The following RBFOX1 variants were observed in gnomAD, a reference collection of about 807,000 sequenced individuals.
RBFOX1 encodes RNA binding fox-1 homolog 1, also known as RNA binding protein fox-1 homolog 1.
A neutral mutation model predicts 57.7 loss-of-function variants in RBFOX1; 8 were observed. The ratio of observed to expected loss-of-function variants is 0.14; its 90% CI spans 0.08 to 0.25. The LOEUF (loss-of-function observed/expected upper bound fraction) is 0.25, where lower values mean the gene tolerates loss of function less well. Among genes scored for constraint, RBFOX1 ranks in the 10% least tolerant of loss-of-function variants. The pLI is 1.00. For missense variants in RBFOX1, 611 were observed against 548.5 expected, an observed-to-expected ratio of 1.11 and a Z score of -1.14; for synonymous variants, 326 against 222.4, an observed-to-expected ratio of 1.47 and a Z score of -4.15.
intron 2 of RBFOX1, among the ~76,000 whole-genome samples, chr16:6,579,620 C>G (rs926332893): frequency 6.6e-6 from 1 of 152,148 alleles, no homozygotes; most frequent in Non-Finnish European, 1.5e-5. Context: ...CCTTCCGCCA[C>G]GATTAGAAGT....
At chr16:6,749,349 C>T (rs2074443285) in intron 3 of RBFOX1, among the ~76,000 whole-genome samples, 1 of 152,150 alleles carries the variant, frequency 6.6e-6, no homozygotes, top group African/African-American at 2.4e-5. Context: ...GCGCCTGGTT[C>T]AAAGTAAGTG....
At chr16:5,922,185 C>G (rs1438446010) in intron 4 of RBFOX1, among the ~76,000 whole-genome samples, 1 of 152,016 alleles carries the variant, frequency 6.6e-6, no homozygotes, top group African/African-American at 2.4e-5. Context: ...CCCCCAAACC[C>G]TAGCTCTCTA....
At chr16:7,426,074 A>G (rs571441203) in intron 4 of RBFOX1, among the ~76,000 whole-genome samples, 1 of 152,246 alleles carries the variant, frequency 6.6e-6, no homozygotes, top group Non-Finnish European at 1.5e-5. Context: ...AGAAAGGCTT[A>G]TCTCGTTTAA....
At chr16:5,874,517 A>G (rs1000619252) in intron 4 of RBFOX1, among the ~76,000 whole-genome samples, 8 of 152,112 alleles carry the variant, frequency 5.3e-5, no homozygotes, top group Non-Finnish European at 1.2e-4. Flanking sequence ...TTTTCTTCTA[A>G]GAACACTGAA....
At chr16:6,183,233 C>T (rs1022893786) in intron 1 of RBFOX1, among the ~76,000 whole-genome samples, 2 of 152,006 alleles carry the variant, frequency 1.3e-5, no homozygotes, top group African/African-American at 4.8e-5. Context: ...GTAATCCCAG[C>T]ACTTTGGGAG....
At position 5,847,881 on chromosome 16, in the gene RBFOX1, G is replaced by A. The variant is rs2056797360; in HGVS notation, c.319-19422G>A. Among the ~76,000 whole-genome samples the A allele has an allele frequency of 2.0e-5, 3 of 151,584 alleles. No individual in the cohort carries two copies. In the South Asian group the frequency reaches 6.3e-4, roughly 32 times the overall value. On this transcript the variant is annotated intron_variant, in intron 3 of 19. Transcript: ENST00000641259. ...CCAGACTATGTTAGTCATTAGCATTGCCAACAGATTGTCTGTAATTGTCCA... is the reference window on the plus strand; with the variant it reads ...CCAGACTATGTTAGTCATTAGCATTACCAACAGATTGTCTGTAATTGTCCA...
At chr16:7,270,475 G>A (rs948910604) in intron 4 of RBFOX1, among the ~76,000 whole-genome samples, 19 of 152,282 alleles carry the variant, frequency 1.2e-4, no homozygotes, top group East Asian at 1.2e-3. Flanking sequence ...GAAGTTTAAC[G>A]CATGTAAGAA....
intron 4 of RBFOX1, among the ~76,000 whole-genome samples, chr16:5,983,889 C>G (rs1455501149): frequency 1.4e-5 from 2 of 147,372 alleles, no homozygotes; most frequent in Non-Finnish European, 3.0e-5. Flanking sequence ...CTTCCCTACC[C>G]CTCCTCGTTC....
chr16:6,942,408 G>T (rs930499082), intron 3 of RBFOX1, among the ~76,000 whole-genome samples: 4 of 152,028 alleles, frequency 2.6e-5, no homozygotes, highest in Non-Finnish European at 4.4e-5. Flanking sequence ...CACCCTCTCC[G>T]TCAGCCTCCC....
chr16:6,850,063 C>A (rs1417999390), intron 3 of RBFOX1, among the ~76,000 whole-genome samples: 4 of 152,188 alleles, frequency 2.6e-5, no homozygotes, highest in East Asian at 3.9e-4. Context: ...TGCATAGATA[C>A]CTTCTTAACC....
chr16:6,909,851 G>C (rs1328201839), intron 3 of RBFOX1, among the ~76,000 whole-genome samples: 1 of 152,038 alleles, frequency 6.6e-6, no homozygotes, highest in African/African-American at 2.4e-5. Flanking sequence ...TGTCTGCTCG[G>C]ACCACCCTCG....
intron 4 of RBFOX1, among the ~76,000 whole-genome samples, chr16:7,205,390 C>G (rs546501879): frequency 1.0e-3 from 153 of 151,840 alleles, no homozygotes; most frequent in African/African-American, 1.5e-3. Flanking sequence ...TGGTGGTGCT[C>G]TCCTGTAATC....
intron 6 of RBFOX1, among the ~76,000 whole-genome samples, chr16:7,582,803 G>A (rs542188511): frequency 6.6e-6 from 1 of 152,262 alleles, no homozygotes; most frequent in African/African-American, 2.4e-5. Flanking sequence ...CAGTCACAAA[G>A]ATCTTTGTGC....
chr16:6,648,098 C>T (rs375644096), intron 2 of RBFOX1, among the ~76,000 whole-genome samples: 1 of 152,184 alleles, frequency 6.6e-6, no homozygotes, highest in Non-Finnish European at 1.5e-5. Context: ...CTGCCTTGGC[C>T]TCCCAAAGTG....
intron 3 of RBFOX1, among the ~76,000 whole-genome samples, chr16:5,659,386 C>A (rs140882294): frequency 6.6e-6 from 1 of 151,372 alleles, no homozygotes; most frequent in Non-Finnish European, 1.5e-5. Flanking sequence ...TCACTGCAAC[C>A]TCTGCCTCCC....
chr16:5,400,147 T>A (rs147618887), intron 1 of RBFOX1, among the ~76,000 whole-genome samples: 4,104 of 151,990 alleles, frequency 0.027, 98 homozygotes, highest in Admixed American at 0.039. Context: ...TCACCCAGGC[T>A]GGAGTGCAGT....
At chr16:5,245,320 G>C (rs987426566) in intron 1 of RBFOX1, among the ~76,000 whole-genome samples, 15 of 152,266 alleles carry the variant, frequency 9.9e-5, no homozygotes, top group Non-Finnish European at 2.2e-4. Flanking sequence ...AGTTGACTTT[G>C]GACTCATTGG....
At chr16:6,801,543 A>T (rs2085454199) in intron 3 of RBFOX1, among the ~76,000 whole-genome samples, 1 of 152,088 alleles carries the variant, frequency 6.6e-6, no homozygotes, top group South Asian at 2.1e-4. Flanking sequence ...AGGGCCCTTG[A>T]AATTTAGGGT....
intron 3 of RBFOX1, among the ~76,000 whole-genome samples, chr16:6,717,525 A>T (rs1243829896): frequency 6.6e-6 from 1 of 152,058 alleles, no homozygotes; most frequent in Non-Finnish European, 1.5e-5. Flanking sequence ...AACAACCAAA[A>T]ATTGTGCATA....
Sources: allele counts gnomAD v4.1 joint callset (sites outside exome capture counted in the v4.1 genomes callset), GRCh38; gene constraint gnomAD v4.1.1; transcripts MANE v1.5; gene names NCBI Gene and HGNC (gene_info 2026-07-23, HGNC 2026-07-21).